Variants in CALN1 observed in about 807,000 individuals in gnomAD.
CALN1 encodes the protein calcium-binding protein 8.
CALN1 carries 17 observed loss-of-function variants against 30.6 expected under a neutral mutation model. The ratio of observed to expected loss-of-function variants is 0.56; its 90% confidence interval spans 0.38 to 0.83. CALN1 has a LOEUF of 0.83. CALN1 is among the 40% of genes least tolerant of loss of function. The probability of loss-of-function intolerance (pLI) is 0.00; values close to 1 mark genes in which losing one functional copy is unlikely to be tolerated. For synonymous variants in CALN1, 156 were observed against 131.4 expected (o/e 1.19, Z -1.28); for missense variants, 291 against 354.9 (o/e 0.82, Z 1.45).
intron 2 of CALN1, among the ~76,000 whole-genome samples, chr7:72,297,673 G>A (rs574635951): frequency 2.6e-5 from 4 of 152,240 alleles, no homozygotes; most frequent in African/African-American, 4.8e-5. Flanking sequence ...TTATTTTCAT[G>A]TCTGCCATAA....
intron 4 of CALN1, among the ~76,000 whole-genome samples, chr7:72,061,737 A>C (rs887024750): frequency 4.7e-5 from 7 of 150,448 alleles, no homozygotes; most frequent in African/African-American, 1.7e-4. Flanking sequence ...ATAGCCAAAA[A>C]CTTTCTAAAT....
chr7:72,126,423 G>C (rs1488513074), intron 3 of CALN1, among the ~76,000 whole-genome samples: 4 of 137,648 alleles, frequency 2.9e-5, no homozygotes, highest in African/African-American at 7.7e-5. Context: ...AAGGCTTGTT[G>C]GCTGCTATAA....
intron 5 of CALN1, among the ~76,000 whole-genome samples, chr7:72,021,990 A>G (rs1800735489): frequency 6.6e-6 from 1 of 152,138 alleles, no homozygotes; most frequent in Non-Finnish European, 1.5e-5. Context: ...CCCTAAATCC[A>G]TTCTGCCAGT....
chr7:72,413,306 TATAC>T (rs1011569551), upstream of CALN1, among the ~76,000 whole-genome samples: 8 of 146,552 alleles, frequency 5.5e-5, no homozygotes, highest in South Asian at 1.1e-3. Flanking sequence ...CACACACACG[TATAC>T]ATACACACAC....
intron 4 of CALN1, among the ~76,000 whole-genome samples, chr7:72,029,641 G>C (rs844685): frequency 0.28 from 43,255 of 152,082 alleles, 9,591 homozygotes; most frequent in African/African-American, 0.62. Context: ...TAATCAATCA[G>C]GCGCACATGA....
At chr7:71,969,059 A>C (rs529427964) in intron 5 of CALN1, among the ~76,000 whole-genome samples, 1 of 152,126 alleles carries the variant, frequency 6.6e-6, no homozygotes, top group East Asian at 1.9e-4. Flanking sequence ...AAAAGAAAAA[A>C]AAAATCATAG....
intron 2 of CALN1, among the ~76,000 whole-genome samples, chr7:72,367,801 C>A (rs1803963092): frequency 6.6e-6 from 1 of 152,136 alleles, no homozygotes; most frequent in African/African-American, 2.4e-5. Flanking sequence ...CACCAATGCA[C>A]TCCAGCCCAG....
intron 3 of CALN1, among the ~76,000 whole-genome samples, chr7:72,148,056 T>A (rs1367949448): frequency 2.7e-5 from 4 of 147,370 alleles, no homozygotes; most frequent in Non-Finnish European, 5.9e-5. Context: ...CAAACCTGCA[T>A]GTTGTGCACA....
At chr7:72,463,983 A>AGGAG in the CALN1 span, among the ~76,000 whole-genome samples, 314 of 105,896 alleles carry the variant, frequency 3.0e-3, 2 homozygotes, top group African/African-American at 0.011. Context: ...AAGGAAGGGA[A>AGGAG]GGAGGGAGGG....
chr7:72,403,282 G>A lies in CALN1; in HGVS notation c.88C>T (p.Pro30Ser). 2 of 1,550,402 alleles carry A rather than the reference G, an allele frequency of 1.3e-6. No homozygotes were observed. Among genetic ancestry groups the A allele is most frequent in the Non-Finnish European group, 1.7e-6 (2 of 1,146,922 alleles). The change falls in exon 2 of 7, where the codon CCG (proline) becomes TCG (serine). Residue 30 changes from proline to serine, a missense_variant. Transcript: ENST00000395275. The stretch of plus-strand genomic sequence containing the variant: ...GGGAAGTCGGGGGCCTGGCTCCTCG[G>A]CGGCTCCTCTCCCCCTCCGAGGGCT... ...GGALGGGEEPPRSQAPDFPTW... is the reference protein window; with the variant it reads ...GGALGGGEEPSRSQAPDFPTW...
intron 2 of CALN1, among the ~76,000 whole-genome samples, chr7:72,399,739 G>A (rs185359197): frequency 7.2e-5 from 11 of 152,308 alleles, no homozygotes; most frequent in Admixed American, 6.5e-4. Context: ...CAAGGAACTG[G>A]AGGGATATAG....
At chr7:72,227,280 C>G (rs1793754448) in intron 3 of CALN1, among the ~76,000 whole-genome samples, 1 of 150,740 alleles carries the variant, frequency 6.6e-6, no homozygotes. Flanking sequence ...TGGCCTACGT[C>G]TGTAATCTCA....
chr7:71,785,575 G>C lies in CALN1; in HGVS notation c.*2200C>G, dbSNP rs868551068. On this transcript the variant is annotated 3_prime_UTR_variant, in exon 7 of 7. Transcript: ENST00000395275. ...CTGGGGTTTCTACCCAGTCTACTTA[G>C]GGTCCTGCACCCCTATGGATGTGGT... 9 of 152,152 alleles carry C rather than the reference G, an allele frequency of 5.9e-5. No homozygotes were observed. The highest frequency in any genetic ancestry group is 2.2e-4 in the African/African-American group (9 of 41,432). The allele number at this position is 152,152 out of a possible 1,614,324, so 9.4% of individuals were successfully genotyped here.
intron 6 of CALN1, among the ~76,000 whole-genome samples, chr7:71,806,260 A>ACACACGCG (rs61088052): frequency 6.7e-6 from 1 of 150,164 alleles, no homozygotes; most frequent in African/African-American, 2.5e-5. Flanking sequence ...GCACACACAC[A>ACACACGCG]CACACACACA....
chr7:71,978,989 A>T (rs1440673761), intron 5 of CALN1, among the ~76,000 whole-genome samples: 1 of 152,198 alleles, frequency 6.6e-6, no homozygotes, highest in Admixed American at 6.5e-5. Context: ...CAGCCTTTGA[A>T]GCCACAGTGT....
the CALN1 span, among the ~76,000 whole-genome samples, chr7:72,472,646 G>T: frequency 1.3e-5 from 2 of 152,174 alleles, no homozygotes; most frequent in African/African-American, 4.8e-5. Flanking sequence ...GCTGGGCGTG[G>T]TGGCGGGCGC....
chr7:72,190,648 GCATGT>G (rs796244631), intron 3 of CALN1, among the ~76,000 whole-genome samples: 13 of 152,296 alleles, frequency 8.5e-5, no homozygotes, highest in African/African-American at 2.9e-4. Context: ...ATTAATGTGT[GCATGT>G]TTCAGAAAAA....
the CALN1 span, among the ~76,000 whole-genome samples, chr7:72,465,181 G>A: frequency 6.6e-6 from 1 of 152,170 alleles, no homozygotes; most frequent in African/African-American, 2.4e-5. Context: ...ACACACTCCT[G>A]GATAACTTTA....
chr7:72,461,880 C>T, the CALN1 span, among the ~76,000 whole-genome samples: 8 of 152,182 alleles, frequency 5.3e-5, no homozygotes, highest in South Asian at 6.2e-4. Context: ...TGGTTGCGCA[C>T]GCCTGTAATC....
Sources: allele counts gnomAD v4.1 joint callset (sites outside exome capture counted in the v4.1 genomes callset), GRCh38; gene constraint gnomAD v4.1.1; transcripts MANE v1.5; gene names NCBI Gene and HGNC (gene_info 2026-07-23, HGNC 2026-07-21).